The following PTPN4 variants were observed in gnomAD, a reference collection of about 807,000 sequenced individuals.
PTPN4 encodes the protein protein tyrosine phosphatase non-receptor type 4, also known as tyrosine-protein phosphatase non-receptor type 4.
A neutral mutation model predicts 135.5 loss-of-function variants in PTPN4; 49 were observed. That is an observed-to-expected ratio of 0.36 (90% CI 0.29 to 0.46). PTPN4 has a LOEUF of 0.46. Among genes scored for constraint, PTPN4 ranks in the 20% least tolerant of loss-of-function variants. The probability of loss-of-function intolerance (pLI) is 1.00; values close to 1 mark genes in which losing one functional copy is unlikely to be tolerated. For synonymous variants in PTPN4, 333 were observed against 369.9 expected (o/e 0.90, Z 1.14); for missense variants, 860 against 1,101.0 (o/e 0.78, Z 3.10).
chr2:119,847,328 A>ATATATATT (rs1257711116), intron 2 of PTPN4, among the ~76,000 whole-genome samples: 5 of 102,732 alleles, frequency 4.9e-5, no homozygotes, highest in South Asian at 6.3e-4. Context: ...ATATATATAT[A>ATATATATT]TTTTTTTTTT....
At chr2:119,867,998 C>G (rs1400575209) in intron 3 of PTPN4, among the ~76,000 whole-genome samples, 1 of 152,128 alleles carries the variant, frequency 6.6e-6, no homozygotes, top group Non-Finnish European at 1.5e-5. Flanking sequence ...TTGTCTTGTT[C>G]CTGATCTTAG....
chr2:119,892,002 A>C (rs1678247792), intron 9 of PTPN4, among the ~76,000 whole-genome samples: 1 of 152,232 alleles, frequency 6.6e-6, no homozygotes, highest in Non-Finnish European at 1.5e-5. Context: ...TTCTGGCTGC[A>C]TGCAGTAATA....
intron 1 of PTPN4, among the ~76,000 whole-genome samples, chr2:119,793,058 G>A (rs1043057364): frequency 1.3e-5 from 2 of 152,176 alleles, no homozygotes; most frequent in African/African-American, 4.8e-5. Context: ...ACAGGAAACA[G>A]GGTTCAAGAG....
At chr2:119,936,546 C>T (rs924583808) in intron 15 of PTPN4, among the ~76,000 whole-genome samples, 8 of 152,170 alleles carry the variant, frequency 5.3e-5, no homozygotes, top group African/African-American at 1.9e-4. Flanking sequence ...CATTTTCTCT[C>T]CTGCCGCCCT....
chr2:119,793,846 GTTTTTTTTTTTTTT>G (rs55956611), intron 1 of PTPN4, among the ~76,000 whole-genome samples: 18 of 24,804 alleles, frequency 7.3e-4, no homozygotes, highest in Admixed American at 3.5e-3. Context: ...TTCATTTTTA[GTTTTTTTTTTTTTT>G]TTTTTTTTTT....
At chr2:119,822,389 C>T (rs1204756218) in intron 2 of PTPN4, among the ~76,000 whole-genome samples, 26 of 111,988 alleles carry the variant, frequency 2.3e-4, no homozygotes, top group African/African-American at 8.6e-4. Flanking sequence ...GATGGATTCT[C>T]ATTCTGTTGC....
chr2:119,926,723 T>C lies in PTPN4; in HGVS notation c.1070+57T>C, dbSNP rs570504490. On this transcript the variant is annotated intron_variant, in intron 13 of 26. Transcript: ENST00000263708. ...TTTTAAAAAGATGGATTGAGTTTAC[T>C]AAAAAGTTTTTCTAAATATTTTTTC... 1,035 of 1,324,952 alleles carry C rather than the reference T, an allele frequency of 7.8e-4. 3 individuals carry two copies. Among genetic ancestry groups the C allele is most frequent in the Non-Finnish European group, 1.0e-3 (969 of 956,976 alleles). The allele number at this position is 1,324,952 out of a possible 1,614,324, so 82.1% of individuals were successfully genotyped here.
At chr2:119,869,820 C>T (rs1677883218) in intron 3 of PTPN4, among the ~76,000 whole-genome samples, 1 of 152,102 alleles carries the variant, frequency 6.6e-6, no homozygotes, top group African/African-American at 2.4e-5. Flanking sequence ...AAGAAATTTT[C>T]AAGATTTTTT....
chr2:119,876,972 G>T (rs1677993845), intron 3 of PTPN4, among the ~76,000 whole-genome samples: 1 of 149,740 alleles, frequency 6.7e-6, no homozygotes, highest in African/African-American at 2.5e-5. Context: ...TTGAAAACTT[G>T]CCAGACTTTT....
chr2:119,762,632 A>C (rs1241236549), intron 1 of PTPN4, among the ~76,000 whole-genome samples: 1 of 152,156 alleles, frequency 6.6e-6, no homozygotes, highest in African/African-American at 2.4e-5. Flanking sequence ...CTTTTAAACA[A>C]GAAAAGTTTT....
chr2:119,835,517 T>C (rs567672971), intron 2 of PTPN4, among the ~76,000 whole-genome samples: 10 of 152,216 alleles, frequency 6.6e-5, no homozygotes, highest in African/African-American at 2.4e-4. Context: ...CCTTCTCTTA[T>C]TAATCACTCC....
intron 15 of PTPN4, among the ~76,000 whole-genome samples, chr2:119,941,008 A>G (rs1327080362): frequency 6.6e-6 from 1 of 152,146 alleles, no homozygotes; most frequent in Admixed American, 6.6e-5. Context: ...TGAGGGTACC[A>G]GCTGTAATTT....
At chr2:119,909,459 C>G (rs1678536557) in intron 10 of PTPN4, among the ~76,000 whole-genome samples, 1 of 152,100 alleles carries the variant, frequency 6.6e-6, no homozygotes, top group Non-Finnish European at 1.5e-5. Context: ...AAAAAGATTC[C>G]TTTCTGAATA....
intron 2 of PTPN4, among the ~76,000 whole-genome samples, chr2:119,814,480 G>A (rs893136975): frequency 6.6e-6 from 1 of 152,104 alleles, no homozygotes; most frequent in African/African-American, 2.4e-5. Context: ...CATTTTTTCA[G>A]TCCTGACCCT....
intron 11 of PTPN4, among the ~76,000 whole-genome samples, chr2:119,918,064 T>C (rs1678683322): frequency 6.6e-6 from 1 of 152,216 alleles, no homozygotes; most frequent in African/African-American, 2.4e-5. Context: ...ACATTTTCTG[T>C]TATTTTGTGT....
chr2:119,816,082 T>C (rs773473542), intron 2 of PTPN4, among the ~76,000 whole-genome samples: 6 of 152,202 alleles, frequency 3.9e-5, no homozygotes, highest in African/African-American at 2.4e-5. Context: ...TTGAGCATCA[T>C]AGAGTGTACT....
chr2:119,946,803 T>G (rs1256090462), intron 18 of PTPN4: 9 of 436,032 alleles, frequency 2.1e-5, no homozygotes, highest in Non-Finnish European at 3.6e-5. Context: ...TTTCATTGCT[T>G]CTAAAGCATT....
intron 2 of PTPN4, among the ~76,000 whole-genome samples, chr2:119,819,473 G>A (rs781161151): frequency 1.3e-5 from 2 of 152,152 alleles, no homozygotes; most frequent in Non-Finnish European, 2.9e-5. Flanking sequence ...GTTACTTGCT[G>A]TATTTTCTGA....
chr2:119,793,047 A>T (rs189012741), intron 1 of PTPN4, among the ~76,000 whole-genome samples: 178 of 152,278 alleles, frequency 1.2e-3, no homozygotes, highest in African/African-American at 4.2e-3. Context: ...TAAACATCTT[A>T]ACAGGAAACA....
Sources: gnomAD v4.1 joint callset for allele counts (sites outside exome capture counted in the v4.1 genomes callset) on GRCh38, gnomAD v4.1.1 for gene constraint, MANE v1.5 for transcripts, NCBI Gene and HGNC (gene_info 2026-07-23, HGNC 2026-07-21) for gene names.